The following TBC1D22A variants were observed in gnomAD, a reference collection of about 807,000 sequenced individuals.
TBC1D22A encodes putative GTPase activator.
In TBC1D22A, 38 loss-of-function variants were observed where a neutral mutation model predicts 60.2. The observed-to-expected ratio is 0.63, with a 90% CI of 0.49 to 0.83. TBC1D22A has a LOEUF of 0.83. Among genes scored for constraint, TBC1D22A ranks in the 40% least tolerant of loss-of-function variants. The pLI, the probability that TBC1D22A is intolerant of heterozygous loss-of-function variation, is 0.00. For missense variants in TBC1D22A, 628 were observed against 701.0 expected (o/e 0.90, Z 1.18); for synonymous variants, 302 against 281.7 (o/e 1.07, Z -0.72).
chr22:47,076,361 G>GTGTATATATATATATATATGTGTGTATA (rs1392245000), intron 11 of TBC1D22A, among the ~76,000 whole-genome samples: 20 of 101,930 alleles, frequency 2.0e-4, no homozygotes, highest in African/African-American at 7.2e-4. Context: ...ATATGTGTGT[G>GTGTATATATATATATATATGTGTGTATA]TATATATATA....
At chr22:47,107,835 G>A (rs1432543227) in intron 11 of TBC1D22A, among the ~76,000 whole-genome samples, 3 of 152,234 alleles carry the variant, frequency 2.0e-5, no homozygotes, top group African/African-American at 7.2e-5. Flanking sequence ...ATATCCATGT[G>A]CATACAAATG....
chr22:47,014,480 G>A (rs990040882), intron 10 of TBC1D22A, among the ~76,000 whole-genome samples: 13 of 152,142 alleles, frequency 8.5e-5, no homozygotes, highest in African/African-American at 2.9e-4. Flanking sequence ...GCTCCCGCTC[G>A]CAGCCATGTC....
chr22:47,062,133 C>T (rs1251843123), intron 11 of TBC1D22A, among the ~76,000 whole-genome samples: 2 of 150,056 alleles, frequency 1.3e-5, no homozygotes, highest in South Asian at 2.1e-4. Context: ...GTCAGTCCTC[C>T]GCCCCCTTTG....
At chr22:46,822,494 C>G (rs905976660) in intron 4 of TBC1D22A, among the ~76,000 whole-genome samples, 2 of 152,002 alleles carry the variant, frequency 1.3e-5, no homozygotes, top group African/African-American at 2.4e-5. Context: ...ATAGTCAGGT[C>G]CCTGTTCTGT....
chr22:47,108,238 A>G (rs992596724), intron 11 of TBC1D22A, among the ~76,000 whole-genome samples: 1 of 152,276 alleles, frequency 6.6e-6, no homozygotes, highest in African/African-American at 2.4e-5. Flanking sequence ...TGTCCATTCA[A>G]AGATGAGTAC....
At chr22:47,076,102 A>T (rs11090747) in intron 11 of TBC1D22A, among the ~76,000 whole-genome samples, 68,540 of 151,670 alleles carry the variant, frequency 0.45, 15,946 homozygotes, top group East Asian at 0.58. Context: ...ATTGTGGTAG[A>T]TTTTATCTTA....
Position 47,098,155 on chromosome 22 carries a change from C to T in TBC1D22A, c.1330-13353C>T, listed in dbSNP as rs182487227. ...GATCAGGACTTGTTAATGGTCATTT[C>T]CAAGGCACGTGGGCTCTTCCGTGAA... On this transcript the variant is annotated intron_variant, in intron 11 of 12. Transcript: ENST00000337137. Among the ~76,000 whole-genome samples the T allele has an allele frequency of 6.8e-4, 103 of 152,240 alleles. 2 individuals carry two copies. The South Asian group carries it at 0.018, about 26-fold the overall frequency.
At chr22:47,062,491 T>A (rs1181859864) in intron 11 of TBC1D22A, among the ~76,000 whole-genome samples, 1 of 152,186 alleles carries the variant, frequency 6.6e-6, no homozygotes, top group African/African-American at 2.4e-5. Context: ...CCTTTCTGTT[T>A]TATTCCAGAA....
At chr22:46,793,406 T>G (rs1330753595) in intron 2 of TBC1D22A, 95 bp from the exon 3 acceptor site, 7 of 1,230,334 alleles carry the variant, frequency 5.7e-6, no homozygotes, top group Middle Eastern at 2.3e-4. Context: ...AGCTGAACAC[T>G]TCTATGCCTG....
chr22:46,925,246 C>T (rs535955942), intron 8 of TBC1D22A, among the ~76,000 whole-genome samples: 2 of 152,156 alleles, frequency 1.3e-5, no homozygotes, highest in Non-Finnish European at 2.9e-5. Flanking sequence ...CTTTTGTGCT[C>T]CACAGTTAAT....
intron 5 of TBC1D22A, among the ~76,000 whole-genome samples, chr22:46,889,596 A>C (rs2068290298): frequency 6.6e-6 from 1 of 152,222 alleles, no homozygotes; most frequent in Non-Finnish European, 1.5e-5. Flanking sequence ...AAACAACCGA[A>C]ATGCTCATCG....
intron 1 of TBC1D22A, among the ~76,000 whole-genome samples, chr22:46,767,821 G>A (rs939662560): frequency 2.0e-5 from 3 of 152,094 alleles, no homozygotes; most frequent in Admixed American, 1.3e-4. Context: ...CGATGCTGGC[G>A]TGCTTGAGGA....
intron 1 of TBC1D22A, among the ~76,000 whole-genome samples, chr22:46,787,402 G>C (rs940910000): frequency 6.6e-6 from 1 of 152,178 alleles, no homozygotes; most frequent in Non-Finnish European, 1.5e-5. Flanking sequence ...GGCCCGGCCA[G>C]TGCATGTGGC....
At chr22:47,093,905 A>G (rs1007000178) in intron 11 of TBC1D22A, among the ~76,000 whole-genome samples, 5 of 152,218 alleles carry the variant, frequency 3.3e-5, no homozygotes, top group African/African-American at 1.2e-4. Flanking sequence ...CAAGACAACA[A>G]TTATTCCCAA....
chr22:46,882,405 G>A (rs369391490), intron 5 of TBC1D22A, among the ~76,000 whole-genome samples: 13 of 152,276 alleles, frequency 8.5e-5, no homozygotes, highest in South Asian at 6.2e-4. Flanking sequence ...GGGTTCTCAC[G>A]TGTGCCCAGG....
intron 11 of TBC1D22A, among the ~76,000 whole-genome samples, chr22:47,040,873 C>G (rs2062818925): frequency 6.6e-6 from 1 of 152,164 alleles, no homozygotes; most frequent in Non-Finnish European, 1.5e-5. Context: ...CCAAGCCGGC[C>G]TCCTGGGCCT....
chr22:46,901,065 C>A (rs960183143), intron 7 of TBC1D22A, among the ~76,000 whole-genome samples: 1 of 152,166 alleles, frequency 6.6e-6, no homozygotes, highest in African/African-American at 2.4e-5. Flanking sequence ...CTTCTTTGAT[C>A]TGTTAATGTA....
At chr22:46,926,202 A>G (rs763975223) in intron 8 of TBC1D22A, among the ~76,000 whole-genome samples, 12 of 152,214 alleles carry the variant, frequency 7.9e-5, no homozygotes, top group Admixed American at 3.9e-4. Context: ...GTAACGGACT[A>G]TATTAAAAAA....
chr22:46,792,414 C>A, intron 1 of TBC1D22A, 106 bp from the exon 2 acceptor site: 1 of 1,505,908 alleles, frequency 6.6e-7, no homozygotes, highest in Non-Finnish European at 9.2e-7. Flanking sequence ...GAGCTGCTTC[C>A]TTCAGTCCTG....
Sources: gnomAD v4.1 joint callset for allele counts (sites outside exome capture counted in the v4.1 genomes callset) on GRCh38, gnomAD v4.1.1 for gene constraint, MANE v1.5 for transcripts, NCBI Gene and HGNC (gene_info 2026-07-23, HGNC 2026-07-21) for gene names.